The following SLC5A5 variants were observed in gnomAD, a reference collection of about 807,000 sequenced individuals.
SLC5A5 encodes sodium/iodide cotransporter.
In SLC5A5, 56 loss-of-function variants were observed where a neutral mutation model predicts 68.6. The ratio of observed to expected loss-of-function variants is 0.82; its 90% CI spans 0.66 to 1.02. The LOEUF (loss-of-function observed/expected upper bound fraction) is 1.02. Ranked by LOEUF, SLC5A5 falls within the 50% of genes least tolerant of loss-of-function variation. The pLI, the probability that SLC5A5 is intolerant of heterozygous loss-of-function variation, is 0.00. For synonymous variants in SLC5A5, 398 were observed against 373.0 expected (o/e 1.07, Z -0.77); for missense variants, 807 against 859.8 (o/e 0.94, Z 0.77).
intron 13 of SLC5A5, 112 bp downstream of exon 13, chr19:17,888,567 G>C: frequency 1.1e-6 from 1 of 884,770 alleles, no homozygotes; most frequent in South Asian, 1.3e-5. Context: ...AACTGCCACT[G>C]TGTGCTGTAC....
intron 12 of SLC5A5, among the ~76,000 whole-genome samples, chr19:17,887,275 T>C (rs954857694): frequency 2.0e-5 from 3 of 152,194 alleles, no homozygotes; most frequent in Non-Finnish European, 2.9e-5. Context: ...ATAGAATCCT[T>C]TGATGCACAG....
At chr19:17,874,078 C>A in intron 1 of SLC5A5, 60 bp from the exon 2 acceptor site, 8 of 1,229,288 alleles carry the variant, frequency 6.5e-6, no homozygotes, top group Non-Finnish European at 9.6e-6. Context: ...GACCAGGGAC[C>A]CGAGAGGCCT....
intron 4 of SLC5A5, 132 bp downstream of exon 4, chr19:17,874,863 T>G (rs1038902489): frequency 1.2e-6 from 1 of 824,314 alleles, no homozygotes. Flanking sequence ...CTCATCTTTA[T>G]AGTGAAAAAT....
At chr19:17,876,183 A>T in intron 5 of SLC5A5, 77 bp downstream of exon 5, 1 of 1,499,818 alleles carries the variant, frequency 6.7e-7, no homozygotes, top group Non-Finnish European at 9.2e-7. Context: ...TAATCCCAGC[A>T]CTTTGGGAGG....
Position 17,872,259 on chromosome 19 carries a change from G to T in SLC5A5, c.-61G>T, listed in dbSNP as rs1568417594. Reference sequence around the variant, plus strand: ...CGTCCTGCCTCCTCGGCCCCTGCCAGCTTCCCCCGCTTGAGCACGCAGGGC... The same window carrying T: ...CGTCCTGCCTCCTCGGCCCCTGCCATCTTCCCCCGCTTGAGCACGCAGGGC... On this transcript the variant is annotated 5_prime_UTR_variant, in exon 1 of 15. Coordinates refer to ENST00000222248, the MANE Select transcript of SLC5A5 (RefSeq NM_000453.3). 1 of 653,070 alleles carries T rather than the reference G, an allele frequency of 1.5e-6. No individual in the cohort carries two copies. Among genetic ancestry groups the T allele is most frequent in the Non-Finnish European group, 2.4e-6 (1 of 410,844 alleles). 40.5% of individuals were successfully genotyped at this position (653,070 alleles called of 1,614,324 possible).
intron 12 of SLC5A5, among the ~76,000 whole-genome samples, chr19:17,886,509 T>C (rs1221419761): frequency 6.6e-6 from 1 of 151,956 alleles, no homozygotes; most frequent in Non-Finnish European, 1.5e-5. Flanking sequence ...GGTTTCACCA[T>C]GTTGGTCAGG....
At chr19:17,892,428 G>A (rs578131877) in intron 14 of SLC5A5, among the ~76,000 whole-genome samples, 30 of 152,114 alleles carry the variant, frequency 2.0e-4, no homozygotes, top group African/African-American at 7.0e-4. Flanking sequence ...CTGAGGTCAG[G>A]AGTTCGAGAC....
intron 13 of SLC5A5, among the ~76,000 whole-genome samples, chr19:17,889,747 C>A (rs1256592684): frequency 1.3e-5 from 2 of 151,556 alleles, no homozygotes; most frequent in Non-Finnish European, 2.9e-5. Flanking sequence ...AACTCCTCTC[C>A]CCAACAAGAT....
At chr19:17,874,447 T>G in intron 2 of SLC5A5, 47 bp from the exon 3 acceptor site, 3 of 1,591,258 alleles carry the variant, frequency 1.9e-6, no homozygotes, top group Non-Finnish European at 2.6e-6. Flanking sequence ...CATCCCCAAC[T>G]CGCCCAGACG....
At chr19:17,876,822 A>G (rs1464194846) in intron 5 of SLC5A5, among the ~76,000 whole-genome samples, 1 of 151,672 alleles carries the variant, frequency 6.6e-6, no homozygotes, top group Admixed American at 6.6e-5. Context: ...AGATGGCATC[A>G]CTGCACTCCC....
chr19:17,890,947 A>G lies in SLC5A5; in HGVS notation c.1713A>G (p.Thr571=). The change falls in exon 14 of 15, where the codon ACA becomes ACG. Residue 571 remains threonine, a synonymous_variant. Transcript: ENST00000222248. ...GLLWWDLARQ[T]ASVAPKEEVA... Reference sequence around the variant, plus strand: ...TGTGGTGGGACCTCGCACGGCAGACAGCATCAGTGGCCCCCAAGGAAGAAG... The same window carrying G: ...TGTGGTGGGACCTCGCACGGCAGACGGCATCAGTGGCCCCCAAGGAAGAAG... The G allele has an allele frequency of 6.2e-7, 1 of 1,614,108 alleles. No individual in the cohort carries two copies. Among genetic ancestry groups the G allele is most frequent in the Non-Finnish European group, 8.5e-7 (1 of 1,179,992 alleles).
At chr19:17,885,478 C>T (rs913232487) in intron 12 of SLC5A5, among the ~76,000 whole-genome samples, 2 of 151,678 alleles carry the variant, frequency 1.3e-5, no homozygotes, top group African/African-American at 4.8e-5. Flanking sequence ...CTCCAGACTC[C>T]GATGATCCTC....
intron 7 of SLC5A5, among the ~76,000 whole-genome samples, chr19:17,879,160 G>C (rs983910976): frequency 2.3e-5 from 3 of 130,830 alleles, no homozygotes. Flanking sequence ...GGGTGTGGTG[G>C]TGCATGCCTG....
In SLC5A5 at chr19:17,875,982, G is replaced by C; in HGVS notation, c.574G>C (p.Val192Leu). 6.2e-7 allele frequency: 1 copy of C among 1,614,170 alleles called. No individual in the cohort carries two copies. The highest frequency in any genetic ancestry group is 8.5e-7 in the Non-Finnish European group (1 of 1,180,036). Residue 192 changes from valine (V) to leucine (L), a missense_variant, in exon 5 of 15, where the codon GTG (valine) becomes CTG (leucine). By Grantham distance (32) the Val-to-Leu change is conservative. Coordinates refer to ENST00000222248, the MANE Select transcript of SLC5A5 (RefSeq NM_000453.3). Reference sequence around the variant, plus strand: ...CATGAAGGCTGTGGTCTGGACTGATGTGTTCCAGGTCGTGGTGATGCTAAG... The same window carrying C: ...CATGAAGGCTGTGGTCTGGACTGATCTGTTCCAGGTCGTGGTGATGCTAAG... ...GGMKAVVWTD[V>L]FQVVVMLSGF...
At chr19:17,886,739 T>G (rs1228547862) in intron 12 of SLC5A5, among the ~76,000 whole-genome samples, 1 of 152,190 alleles carries the variant, frequency 6.6e-6, no homozygotes, top group East Asian at 1.9e-4. Context: ...TCCATCCTAG[T>G]GGGTGTGAAG....
rs1231185033 is a variant in SLC5A5 at position 17,884,039 on chromosome 19, GC to G, written c.1524del (p.Ser509AlafsTer11). On this transcript the variant is annotated frameshift_variant, in exon 12 of 15. Transcript: ENST00000222248. ...CCTCCCTGCTAACGACTCCAGCAGG[GC>G]CCCCAGGTGAGCAGACTTGAGGGTA... is the stretch of plus-strand genomic sequence containing the variant. The part of the protein sequence containing the change: ...ALLPANDSSR[A>X]PSSGMDASRP... 1.9e-6 allele frequency: 3 copies of G among 1,563,382 alleles called. No homozygotes were observed. Among genetic ancestry groups the G allele is most frequent in the East Asian group, 2.3e-5 (1 of 42,816 alleles).
chr19:17,879,544 C>A (rs55805736), intron 7 of SLC5A5, among the ~76,000 whole-genome samples: 37,023 of 151,920 alleles, frequency 0.24, 4,914 homozygotes, highest in African/African-American at 0.34. Context: ...GGGGGGAAGT[C>A]ACTGCCTGAG....
Position 17,877,912 on chromosome 19 carries a change from C to G in SLC5A5, c.839+49C>G, listed in dbSNP as rs190567881. The G allele has an allele frequency of 1.4e-3, 2,325 of 1,613,930 alleles. 16 individuals carry two copies. In the African/African-American group the frequency reaches 0.02, roughly 14 times the overall value. On this transcript the variant is annotated intron_variant, in intron 6 of 14. Transcript: ENST00000222248. ...CGGGGTTTCTGGGACATGCTGCCCC[C>G]CTCCACCAGCCTGAGGCTATCCCCT...
chr19:17,893,634 C>G (rs138700873), intron 14 of SLC5A5, 79 bp from the exon 15 acceptor site: 31 of 1,406,306 alleles, frequency 2.2e-5, no homozygotes, highest in Non-Finnish European at 3.1e-5. Context: ...CATCAGTAGC[C>G]CATCTGGGAG....
Sources: gnomAD v4.1 joint callset for allele counts (sites outside exome capture counted in the v4.1 genomes callset) on GRCh38, gnomAD v4.1.1 for gene constraint, MANE v1.5 for transcripts, NCBI Gene and HGNC (gene_info 2026-07-23, HGNC 2026-07-21) for gene names.